The following CDC73 variants were observed in gnomAD, a reference collection of about 807,000 sequenced individuals.
The protein encoded by CDC73 is cell division cycle 73.
Under a neutral mutation model 83.7 loss-of-function variants are expected in CDC73, and 21 were observed. That is an observed-to-expected ratio of 0.25 (90% CI 0.18 to 0.36). The LOEUF is 0.36. CDC73 is among the 10% of genes least tolerant of loss of function. The pLI is 1.00. For synonymous variants in CDC73, 224 were observed against 212.9 expected (o/e 1.05, Z -0.45); for missense variants, 342 against 653.3 (o/e 0.52, Z 5.19).
chr1:193,226,530 G>A lies in CDC73; in HGVS notation c.1155-6463G>A, dbSNP rs546920900. Among the ~76,000 whole-genome samples, 5 of 152,234 alleles carry A rather than the reference G, an allele frequency of 3.3e-5. No homozygotes were observed. The South Asian group carries it at 8.3e-4, about 25-fold the overall frequency. ...TTTGCTGAGAGTTTGAATCATAAAGGGATGCTAGATGTTGTCAGATGCTTT... is the reference window on the plus strand; with the variant it reads ...TTTGCTGAGAGTTTGAATCATAAAGAGATGCTAGATGTTGTCAGATGCTTT... On this transcript the variant is annotated intron_variant, in intron 13 of 16. Transcript: ENST00000367435.
intron 3 of CDC73, among the ~76,000 whole-genome samples, chr1:193,133,287 A>G (rs1303640934): frequency 3.9e-5 from 6 of 152,186 alleles, no homozygotes; most frequent in Admixed American, 3.9e-4. Context: ...GAAAAGGTTG[A>G]GCAAATATTA....
chr1:193,196,460 G>A (rs751512239), intron 10 of CDC73, among the ~76,000 whole-genome samples: 12 of 152,132 alleles, frequency 7.9e-5, no homozygotes, highest in Non-Finnish European at 1.6e-4. Flanking sequence ...AGTATTTGAG[G>A]TCCCGTGAGA....
At chr1:193,209,123 A>G (rs1468247915) in intron 11 of CDC73, among the ~76,000 whole-genome samples, 1 of 152,236 alleles carries the variant, frequency 6.6e-6, no homozygotes, top group African/African-American at 2.4e-5. Context: ...CAATTTAATA[A>G]TAACTTAGCA....
intron 13 of CDC73, among the ~76,000 whole-genome samples, chr1:193,224,572 T>C (rs1276705584): frequency 6.6e-6 from 1 of 152,132 alleles, no homozygotes; most frequent in Non-Finnish European, 1.5e-5. Flanking sequence ...CATTCACATA[T>C]ACACATATAT....
At chr1:193,222,578 A>G (rs950425108) in intron 13 of CDC73, among the ~76,000 whole-genome samples, 2 of 152,126 alleles carry the variant, frequency 1.3e-5, no homozygotes, top group African/African-American at 2.4e-5. Context: ...AATCAGTCCT[A>G]TGAGGGAAAT....
chr1:193,207,622 A>T (rs1677210793), intron 11 of CDC73, among the ~76,000 whole-genome samples: 2 of 152,182 alleles, frequency 1.3e-5, no homozygotes, highest in African/African-American at 4.8e-5. Flanking sequence ...GGCTCTCTGC[A>T]AGAAGAAAAA....
chr1:193,131,382 A>G (rs374447032), intron 3 of CDC73, among the ~76,000 whole-genome samples: 1 of 152,194 alleles, frequency 6.6e-6, no homozygotes, highest in Non-Finnish European at 1.5e-5. Context: ...AAGTATGACA[A>G]CTTCTTACCA....
At chr1:193,164,665 G>C (rs1195876540) in intron 10 of CDC73, among the ~76,000 whole-genome samples, 2 of 152,066 alleles carry the variant, frequency 1.3e-5, no homozygotes, top group African/African-American at 4.8e-5. Flanking sequence ...AGGACTTGTT[G>C]CAAGTCCAGG....
intron 10 of CDC73, among the ~76,000 whole-genome samples, chr1:193,202,395 T>G (rs1677106558): frequency 1.3e-5 from 2 of 151,386 alleles, no homozygotes; most frequent in Admixed American, 1.3e-4. Context: ...CTCTCCACCT[T>G]ATGACTCACT....
intron 13 of CDC73, among the ~76,000 whole-genome samples, chr1:193,231,592 C>T (rs1677663801): frequency 6.6e-6 from 1 of 151,924 alleles, no homozygotes; most frequent in Non-Finnish European, 1.5e-5. Context: ...ATAAATAAAC[C>T]AAATGCCATA....
chr1:193,141,574 G>A (rs1252601411), intron 6 of CDC73, among the ~76,000 whole-genome samples: 1 of 152,060 alleles, frequency 6.6e-6, no homozygotes, highest in Non-Finnish European at 1.5e-5. Flanking sequence ...AATGAGTCCT[G>A]CTTTTTTGTG....
chr1:193,142,629 CT>C (rs1675926098), intron 7 of CDC73, among the ~76,000 whole-genome samples: 1 of 151,822 alleles, frequency 6.6e-6, no homozygotes, highest in African/African-American at 2.4e-5. Flanking sequence ...CTCTGCCCCC[CT>C]CCTCCTTTCT....
chr1:193,237,836 G>A (rs532957408), intron 15 of CDC73, among the ~76,000 whole-genome samples: 1 of 152,062 alleles, frequency 6.6e-6, no homozygotes, highest in African/African-American at 2.4e-5. Flanking sequence ...TCCTTCTGTC[G>A]TTCGGCCAGG....
chr1:193,235,567 G>A (rs995637364), intron 14 of CDC73, among the ~76,000 whole-genome samples: 6 of 152,002 alleles, frequency 3.9e-5, no homozygotes, highest in Admixed American at 6.6e-5. Flanking sequence ...ATTCAATTAA[G>A]TATTTTATAA....
intron 15 of CDC73, among the ~76,000 whole-genome samples, chr1:193,243,302 A>AT (rs534369743): frequency 1.1e-4 from 16 of 152,118 alleles, no homozygotes; most frequent in East Asian, 3.9e-4. Flanking sequence ...AATAGGAAAG[A>AT]TTTTTTTTAA....
At chr1:193,141,700 G>T (rs1675909090) in intron 6 of CDC73, 150 bp from the exon 7 acceptor site, 2 of 615,130 alleles carry the variant, frequency 3.3e-6, no homozygotes, top group Non-Finnish European at 5.7e-6. Context: ...TTATATAATT[G>T]CAGAATAGCA....
intron 10 of CDC73, among the ~76,000 whole-genome samples, chr1:193,163,146 T>G (rs1233736775): frequency 1.1e-5 from 1 of 92,346 alleles, no homozygotes; most frequent in Non-Finnish European, 2.2e-5. Context: ...AAGAACTTTG[T>G]GGGGTTGTGT....
chr1:193,141,136 T>C (rs1675898846), intron 6 of CDC73: 1 of 152,226 alleles, frequency 6.6e-6, no homozygotes, highest in South Asian at 2.1e-4. Flanking sequence ...TGTCTACTGT[T>C]ATTAAGGTAC....
intron 13 of CDC73, among the ~76,000 whole-genome samples, chr1:193,230,407 A>G (rs1243231858): frequency 6.7e-6 from 1 of 149,890 alleles, no homozygotes; most frequent in African/African-American, 2.5e-5. Flanking sequence ...TTGGCCCCCC[A>G]AAGTGCTGGG....
Sources: gnomAD v4.1 joint callset for allele counts (sites outside exome capture counted in the v4.1 genomes callset) on GRCh38, gnomAD v4.1.1 for gene constraint, MANE v1.5 for transcripts, NCBI Gene and HGNC (gene_info 2026-07-23, HGNC 2026-07-21) for gene names.